The following BCAT1 variants were observed in gnomAD, a reference collection of about 807,000 sequenced individuals.
The protein encoded by BCAT1 is branched-chain-amino-acid aminotransferase, cytosolic.
A neutral mutation model predicts 52.4 loss-of-function variants in BCAT1; 48 were observed. The observed-to-expected ratio is 0.92, with a 90% CI of 0.73 to 1.16. BCAT1 has a LOEUF of 1.16. Ranked by LOEUF, BCAT1 falls within the 50% of genes most tolerant of loss-of-function variation. The probability of loss-of-function intolerance (pLI) is 0.00; values close to 1 mark genes in which losing one functional copy is unlikely to be tolerated. For missense variants in BCAT1, 451 were observed against 457.1 expected (o/e 0.99, Z 0.12); for synonymous variants, 167 against 161.3 (o/e 1.04, Z -0.27).
rs1159277928 is a variant in BCAT1 at position 24,949,089 on chromosome 12, C to A, written c.-157G>T. ...CCGAGGCGGCGGCGAGTACACGTGGCGGGCTGGATTGCAGACCGGCCCTCT... is the reference window on the plus strand; with the variant it reads ...CCGAGGCGGCGGCGAGTACACGTGGAGGGCTGGATTGCAGACCGGCCCTCT... On this transcript the variant is annotated 5_prime_UTR_variant, in exon 1 of 11. Coordinates refer to ENST00000261192, the MANE Select transcript of BCAT1 (RefSeq NM_005504.7). 7.4e-6 allele frequency: 5 copies of A among 674,108 alleles called. No individual in the cohort carries two copies. Among genetic ancestry groups the A allele is most frequent in the Non-Finnish European group, 1.0e-5 (4 of 399,664 alleles). The allele number at this position is 674,108 out of a possible 1,614,324, so 41.8% of individuals were successfully genotyped here.
intron 5 of BCAT1, among the ~76,000 whole-genome samples, chr12:24,852,647 A>G (rs1941550954): frequency 6.6e-6 from 1 of 152,234 alleles, no homozygotes; most frequent in African/African-American, 2.4e-5. Flanking sequence ...AAATGGAATA[A>G]TTCTGTACAT....
chr12:24,934,693 T>A (rs753436962), intron 1 of BCAT1, among the ~76,000 whole-genome samples: 1 of 152,158 alleles, frequency 6.6e-6, no homozygotes, highest in East Asian at 1.9e-4. Context: ...GCTGGGACTA[T>A]AGGTGCACAC....
At chr12:24,905,438 G>A (rs1223883022) in intron 1 of BCAT1, among the ~76,000 whole-genome samples, 1 of 152,164 alleles carries the variant, frequency 6.6e-6, no homozygotes, top group African/African-American at 2.4e-5. Context: ...TTACTTGCAT[G>A]ACTGCATGCA....
Position 24,949,039 on chromosome 12 carries a change from G to T in BCAT1, c.-107C>A, listed in dbSNP as rs1201322722. 5 of 1,222,432 alleles carry T rather than the reference G, an allele frequency of 4.1e-6. No individual in the cohort carries two copies. In the African/African-American group the frequency reaches 4.5e-5, roughly 11 times the overall value. The allele number at this position is 1,222,432 out of a possible 1,614,324, so 75.7% of individuals were successfully genotyped here. A position where few individuals can be genotyped will look rare whatever the true frequency, so the allele number is the denominator to read the frequency against. On this transcript the variant is annotated 5_prime_UTR_variant, in exon 1 of 11. Transcript: ENST00000261192. The stretch of plus-strand genomic sequence containing the variant: ...TCTGCGGCTGCAGAGCGCGGTCCCG[G>T]CTGCAGCAAGACCTGGGGCAGTGCC...
chr12:24,827,384 C>T (rs555463763), intron 10 of BCAT1, among the ~76,000 whole-genome samples: 3 of 152,212 alleles, frequency 2.0e-5, no homozygotes, highest in African/African-American at 7.2e-5. Flanking sequence ...GAAAACAACT[C>T]TGACTAAATT....
At position 24,849,948 on chromosome 12, in the gene BCAT1, G is replaced by A. The variant is rs750255151; in HGVS notation, c.512C>T (p.Pro171Leu). ...YIRPTFIGTE[P>L]SLGVKKPTKA... Reference sequence around the variant, plus strand: ...GGTAGGCTTCTTGACTCCAAGAGAAGGCTGCAACAAAGTAGAAGTACATAC... The same window carrying A: ...GGTAGGCTTCTTGACTCCAAGAGAAAGCTGCAACAAAGTAGAAGTACATAC... The change falls in exon 6 of 11, where the codon CCT becomes CTT. Residue 171 changes from proline (P) to leucine (L), a missense_variant and splice_region_variant. Physicochemically the swap from Pro to Leu is moderately conservative, Grantham distance 98. Coordinates refer to ENST00000261192, the MANE Select transcript of BCAT1 (RefSeq NM_005504.7). 1 of 1,605,212 alleles carries A rather than the reference G, an allele frequency of 6.2e-7. No homozygotes were observed. Among genetic ancestry groups the A allele is most frequent in the Non-Finnish European group, 8.5e-7 (1 of 1,174,152 alleles).
chr12:24,826,537 T>C (rs1424298629), intron 10 of BCAT1, among the ~76,000 whole-genome samples: 4 of 152,218 alleles, frequency 2.6e-5, no homozygotes, highest in East Asian at 1.9e-4. Flanking sequence ...TTGGTTATTA[T>C]AGTTTTATAA....
chr12:24,948,980 C>A lies in BCAT1; in HGVS notation c.-48G>T. On this transcript the variant is annotated 5_prime_UTR_variant, in exon 1 of 11. Coordinates refer to ENST00000261192, the MANE Select transcript of BCAT1 (RefSeq NM_005504.7). ...GCTCGAGCTGAGCGGAGGGCAGATC[C>A]CAAGGGTCGTAGCCCCTGGCCGTGT... 1 of 1,577,346 alleles carries A rather than the reference C, an allele frequency of 6.3e-7. No individual in the cohort carries two copies. The highest frequency in any genetic ancestry group is 1.8e-5 in the Admixed American group (1 of 54,734).
chr12:24,921,984 TACAC>T (rs796314780), intron 1 of BCAT1, among the ~76,000 whole-genome samples: 3 of 151,998 alleles, frequency 2.0e-5, no homozygotes, highest in Non-Finnish European at 4.4e-5. Context: ...TGTGCACACA[TACAC>T]ACATACACAC....
intron 1 of BCAT1, chr12:24,902,127 C>G (rs1312398821): frequency 6.9e-7 from 1 of 1,450,778 alleles, no homozygotes; most frequent in East Asian, 2.5e-5. Flanking sequence ...TCCGCCGGCT[C>G]AGGGAAGACT....
In BCAT1 at chr12:24,902,810, C is replaced by G. The variant is rs1048961361; in HGVS notation, c.7-925G>C. On this transcript the variant is annotated intron_variant, in intron 1 of 10. Transcript: ENST00000261192. ...GGGATGCGGGGAAGGGAAGACGCCT[C>G]GCTGGAGGCGGAATGGAGGGCAAGG... The G allele has an allele frequency of 1.1e-5, 14 of 1,266,490 alleles. No individual in the cohort carries two copies. In the African/African-American group the frequency reaches 2.2e-4, roughly 20 times the overall value. The allele number at this position is 1,266,490 out of a possible 1,614,324, so 78.5% of individuals were successfully genotyped here.
At chr12:24,878,806 T>C (rs1942417731) in intron 4 of BCAT1, among the ~76,000 whole-genome samples, 157 bp from the exon 5 acceptor site, 1 of 152,248 alleles carries the variant, frequency 6.6e-6, no homozygotes, top group Non-Finnish European at 1.5e-5. Context: ...ATTATCCTAA[T>C]TTTTATTTAT....
intron 5 of BCAT1, among the ~76,000 whole-genome samples, chr12:24,861,348 T>C (rs1318268910): frequency 6.6e-6 from 1 of 152,270 alleles, no homozygotes; most frequent in Non-Finnish European, 1.5e-5. Flanking sequence ...GCTTGTTATT[T>C]AGTTTAGTTG....
intron 1 of BCAT1, among the ~76,000 whole-genome samples, chr12:24,932,813 T>G (rs1056665728): frequency 5.3e-5 from 8 of 151,926 alleles, no homozygotes; most frequent in African/African-American, 1.5e-4. Context: ...ATTTTTTTGG[T>G]TTTTTTGTTT....
intron 7 of BCAT1, among the ~76,000 whole-genome samples, 165 bp downstream of exon 7, chr12:24,841,916 GA>G (rs918072131): frequency 4.6e-5 from 7 of 151,650 alleles, no homozygotes; most frequent in Non-Finnish European, 7.4e-5. Flanking sequence ...AAGAAAGAAA[GA>G]AAAAAAAGAA....
At chr12:24,841,500 A>G (rs1432124723) in intron 7 of BCAT1, among the ~76,000 whole-genome samples, 3 of 152,228 alleles carry the variant, frequency 2.0e-5, no homozygotes, top group Non-Finnish European at 2.9e-5. Context: ...AAATCTTCCA[A>G]TCATGGTAAC....
chr12:24,888,206 A>T (rs1360251812), intron 3 of BCAT1, among the ~76,000 whole-genome samples: 13 of 148,248 alleles, frequency 8.8e-5, no homozygotes, highest in Admixed American at 8.1e-4. Context: ...TGTGGGGGTT[A>T]AAAAAAAAAG....
rs1466036213 is a variant in BCAT1, at chr12:24,813,970, A to G, written c.*4038T>C. On this transcript the variant is annotated 3_prime_UTR_variant, in exon 11 of 11. Coordinates refer to ENST00000261192, the MANE Select transcript of BCAT1 (RefSeq NM_005504.7). Reference sequence around the variant, plus strand: ...TTGTTGGTTATGTCAACATTTATCAAATGAACTATTAATAGAGTCTTCATC... The same window carrying G: ...TTGTTGGTTATGTCAACATTTATCAGATGAACTATTAATAGAGTCTTCATC... 1.3e-5 allele frequency: 2 copies of G among 152,112 alleles called. No individual in the cohort carries two copies. The highest frequency in any genetic ancestry group is 4.8e-5 in the African/African-American group (2 of 41,452). 9.4% of individuals were successfully genotyped at this position (152,112 alleles called of 1,614,324 possible). A position where few individuals can be genotyped will look rare whatever the true frequency, so the allele number is the denominator to read the frequency against.
chr12:24,912,706 A>C (rs1341716701), intron 1 of BCAT1, among the ~76,000 whole-genome samples: 1 of 152,108 alleles, frequency 6.6e-6, no homozygotes, highest in African/African-American at 2.4e-5. Flanking sequence ...CTCTAAAAAA[A>C]AAAAAAAAAA....
Sources: gnomAD v4.1 joint callset for allele counts (sites outside exome capture counted in the v4.1 genomes callset) on GRCh38, gnomAD v4.1.1 for gene constraint, MANE v1.5 for transcripts, NCBI Gene and HGNC (gene_info 2026-07-23, HGNC 2026-07-21) for gene names.